RBFOX1: variants seen among roughly 807,000 people sequenced by gnomAD.
RBFOX1 encodes RNA binding protein fox-1 homolog 1.
RBFOX1 carries 8 observed loss-of-function variants against 57.7 expected under a neutral mutation model. That is an observed-to-expected ratio of 0.14 (90% CI 0.08 to 0.25). The LOEUF is 0.25. Among genes scored for constraint, RBFOX1 ranks in the 10% least tolerant of loss-of-function variants. The pLI is 1.00. For synonymous variants in RBFOX1, 326 were observed against 222.4 expected (o/e 1.47, Z -4.15); for missense variants, 611 against 548.5 (o/e 1.11, Z -1.14).
intron 4 of RBFOX1, among the ~76,000 whole-genome samples, chr16:7,183,248 G>A (rs1035063852): frequency 6.6e-6 from 1 of 152,140 alleles, no homozygotes; most frequent in Non-Finnish European, 1.5e-5. Flanking sequence ...AGAAAAAGAA[G>A]CCATGGTGAA....
chr16:5,876,545 C>G (rs918743712), intron 4 of RBFOX1, among the ~76,000 whole-genome samples: 2 of 152,158 alleles, frequency 1.3e-5, no homozygotes, highest in Middle Eastern at 3.2e-3. Flanking sequence ...CTCTCCTCCT[C>G]TAAATTATCT....
chr16:5,919,473 G>C (rs992146317), intron 4 of RBFOX1, among the ~76,000 whole-genome samples: 7 of 152,096 alleles, frequency 4.6e-5, no homozygotes, highest in African/African-American at 1.4e-4. Context: ...CTCCCGAGTA[G>C]CTGGGAGTAC....
At chr16:7,587,188 C>T (rs2094174786) in intron 6 of RBFOX1, 59 bp from the exon 7 acceptor site, 2 of 1,431,770 alleles carry the variant, frequency 1.4e-6, no homozygotes, top group South Asian at 3.4e-5. Flanking sequence ...TACTACTGTA[C>T]ATAGTAATGT....
Position 6,186,025 on chromosome 16 carries a change from C to T in RBFOX1, c.-126-130970C>T, listed in dbSNP as rs118024906. On this transcript the variant is annotated intron_variant, in intron 1 of 15. Transcript: ENST00000550418. Reference sequence around the variant, plus strand: ...TGTGGCATTATTATTTCTCTATTCTCCTTGGATGTGTGTTTCTTGCAACGG... The same window carrying T: ...TGTGGCATTATTATTTCTCTATTCTTCTTGGATGTGTGTTTCTTGCAACGG... Among the ~76,000 whole-genome samples, 35 of 152,288 alleles carry T rather than the reference C, an allele frequency of 2.3e-4. No individual in the cohort carries two copies. In the East Asian group the frequency reaches 6.0e-3, roughly 26 times the overall value.
intron 4 of RBFOX1, among the ~76,000 whole-genome samples, chr16:7,075,741 C>T (rs12931221): frequency 0.52 from 79,417 of 151,848 alleles, 24,365 homozygotes; most frequent in South Asian, 0.72. Flanking sequence ...CCACCACGCT[C>T]GGCTAATTTT....
intron 3 of RBFOX1, among the ~76,000 whole-genome samples, chr16:6,788,497 A>G (rs1255950349): frequency 2.6e-5 from 4 of 151,118 alleles, no homozygotes; most frequent in African/African-American, 7.3e-5. Context: ...TTTTTGAGAC[A>G]GAGTCTCTTG....
chr16:6,738,618 C>T (rs1019474540), intron 3 of RBFOX1, among the ~76,000 whole-genome samples: 1 of 152,130 alleles, frequency 6.6e-6, no homozygotes, highest in African/African-American at 2.4e-5. Context: ...GAAGAACTCA[C>T]CACCATCAAC....
At chr16:5,865,244 A>G (rs562121844) in intron 3 of RBFOX1, among the ~76,000 whole-genome samples, 1 of 152,118 alleles carries the variant, frequency 6.6e-6, no homozygotes, top group African/African-American at 2.4e-5. Context: ...AAATACACAC[A>G]TTCACGTGAG....
chr16:7,692,104 T>C (rs917327501), intron 14 of RBFOX1, among the ~76,000 whole-genome samples: 1 of 152,162 alleles, frequency 6.6e-6, no homozygotes. Flanking sequence ...GGGCCAGATA[T>C]TCATGCGGCT....
At position 5,857,059 on chromosome 16, in the gene RBFOX1, T is replaced by A. The variant is rs1019504082; in HGVS notation, c.319-10244T>A. On this transcript the variant is annotated intron_variant, in intron 3 of 19. Coordinates refer to the RBFOX1 transcript ENST00000641259. Reference sequence around the variant, plus strand: ...CAAAGTTTAATCATTAGTTTTTGATTCAAGGTGAGAAACATGTGACTCTTT... The same window carrying A: ...CAAAGTTTAATCATTAGTTTTTGATACAAGGTGAGAAACATGTGACTCTTT... Among the ~76,000 whole-genome samples the A allele has an allele frequency of 3.9e-5, 6 of 152,326 alleles. No individual in the cohort carries two copies. In the East Asian group the frequency reaches 1.2e-3, roughly 29 times the overall value.
At chr16:6,625,553 T>C (rs1221498514) in intron 2 of RBFOX1, among the ~76,000 whole-genome samples, 1 of 152,206 alleles carries the variant, frequency 6.6e-6, no homozygotes, top group Non-Finnish European at 1.5e-5. Context: ...CTCTGTCTGT[T>C]ATTTTTCTCT....
chr16:7,647,489 TC>T (rs2063977977), intron 11 of RBFOX1, among the ~76,000 whole-genome samples: 1 of 152,026 alleles, frequency 6.6e-6, no homozygotes. Context: ...CTGCGTCCTT[TC>T]CATTGTTCCT....
intron 3 of RBFOX1, among the ~76,000 whole-genome samples, chr16:6,899,324 T>C (rs2067871605): frequency 6.6e-6 from 1 of 152,214 alleles, no homozygotes; most frequent in Non-Finnish European, 1.5e-5. Context: ...TTTCAGGGTT[T>C]CCTTGCATTC....
Position 7,431,127 on chromosome 16 carries a change from T to C in RBFOX1, c.28-87020T>C, listed in dbSNP as rs1427181503. On this transcript the variant is annotated intron_variant, in intron 4 of 15. Transcript: ENST00000550418. Reference sequence around the variant, plus strand: ...ACCCAAACTGACTAATTATCTACTGTGTGCCATGCACTGTGCTAGTGTTTT... The same window carrying C: ...ACCCAAACTGACTAATTATCTACTGCGTGCCATGCACTGTGCTAGTGTTTT... 5 of 152,220 alleles carry C rather than the reference T, an allele frequency of 3.3e-5. No homozygotes were observed. In the South Asian group the frequency reaches 8.3e-4, roughly 25 times the overall value. 9.4% of individuals were successfully genotyped at this position (152,220 alleles called of 1,614,324 possible).
chr16:5,655,109 G>C (rs2049382957), intron 3 of RBFOX1, among the ~76,000 whole-genome samples: 1 of 152,194 alleles, frequency 6.6e-6, no homozygotes, highest in Non-Finnish European at 1.5e-5. Flanking sequence ...AGGGCTGACA[G>C]ATGGTGCCAT....
chr16:6,487,596 A>G (rs2095513327), intron 2 of RBFOX1, among the ~76,000 whole-genome samples: 2 of 142,524 alleles, frequency 1.4e-5, no homozygotes, highest in South Asian at 4.4e-4. Flanking sequence ...CATGAAGGCC[A>G]GGAAAGACTT....
At chr16:6,483,942 G>A in intron 2 of RBFOX1, 1 of 1,059,278 alleles carries the variant, frequency 9.4e-7, no homozygotes, top group Non-Finnish European at 1.1e-6. Flanking sequence ...CAGCTCCGGG[G>A]ACCTCGGAGA....
intron 2 of RBFOX1, among the ~76,000 whole-genome samples, chr16:6,496,711 G>A (rs774198700): frequency 5.9e-5 from 9 of 152,256 alleles, no homozygotes; most frequent in Non-Finnish European, 1.0e-4. Context: ...TGTAATCCCA[G>A]CACTGTGGGA....
At chr16:6,500,225 C>G (rs1219367072) in intron 2 of RBFOX1, among the ~76,000 whole-genome samples, 1 of 152,008 alleles carries the variant, frequency 6.6e-6, no homozygotes, top group Non-Finnish European at 1.5e-5. Context: ...TCTATTTTTT[C>G]CTAATTGGCA....
Sources: gnomAD v4.1 joint callset for allele counts (sites outside exome capture counted in the v4.1 genomes callset) on GRCh38, gnomAD v4.1.1 for gene constraint, MANE v1.5 for transcripts, NCBI Gene and HGNC (gene_info 2026-07-23, HGNC 2026-07-21) for gene names.